Variants in ARHGEF4 observed in about 807,000 individuals in gnomAD.
ARHGEF4 encodes the protein Rho guanine nucleotide exchange factor 4, also known as APC-stimulated guanine nucleotide exchange factor 1.
ARHGEF4 carries 119 observed loss-of-function variants against 162.0 expected under a neutral mutation model. That is an observed-to-expected ratio of 0.73 (90% CI 0.63 to 0.86). ARHGEF4 has a LOEUF of 0.86. Among genes scored for constraint, ARHGEF4 ranks in the 40% least tolerant of loss-of-function variants. ARHGEF4 has a pLI of 0.00. For synonymous variants in ARHGEF4, 1,014 were observed against 979.9 expected (o/e 1.03, Z -0.65); for missense variants, 2,488 against 2,456.0 (o/e 1.01, Z -0.28).
Position 130,873,793 on chromosome 2 carries a change from A to G in ARHGEF4, c.39+36801A>G, listed in dbSNP as rs564134447. On this transcript the variant is annotated intron_variant, in intron 1 of 13. Transcript: ENST00000409359. The stretch of plus-strand genomic sequence containing the variant: ...GGAGGGGTGGGGTTTGGTGCAGGCC[A>G]TACTGTCTTGGATTTCCAGGTACCC... 4.6e-5 allele frequency among the ~76,000 whole-genome samples: 7 copies of G among 152,184 alleles called. No individual in the cohort carries two copies. The South Asian group carries it at 1.2e-3, about 27-fold the overall frequency.
At chr2:130,951,501 T>A (rs1683955790) in intron 4 of ARHGEF4, among the ~76,000 whole-genome samples, 1 of 152,196 alleles carries the variant, frequency 6.6e-6, no homozygotes. Flanking sequence ...GGTGGAGCAG[T>A]TGGAACACAC....
chr2:130,987,377 G>A (rs1255950623), intron 4 of ARHGEF4, among the ~76,000 whole-genome samples: 3 of 152,230 alleles, frequency 2.0e-5, no homozygotes, highest in Non-Finnish European at 4.4e-5. Flanking sequence ...GACTTTTGCG[G>A]TGAGTGTTAC....
In ARHGEF4 at chr2:131,001,159, C is replaced by A. The variant is rs116591665; in HGVS notation, c.3986-26786C>A. On this transcript the variant is annotated intron_variant, in intron 4 of 13. Transcript: ENST00000409359. ...TCTCTACAAAAATACAAACTTTAGC[C>A]GGGCGTGGCAGTGCATGCCTGTAAT... Among the ~76,000 whole-genome samples, 736 of 151,862 alleles carry A rather than the reference C, an allele frequency of 4.8e-3. 7 individuals are homozygous for A. Among genetic ancestry groups the A allele is most frequent in the African/African-American group, 0.017 (708 of 41,394 alleles).
chr2:130,884,327 A>G (rs563799221), intron 1 of ARHGEF4, among the ~76,000 whole-genome samples: 68 of 152,090 alleles, frequency 4.5e-4, no homozygotes, highest in Middle Eastern at 3.4e-3. Flanking sequence ...CACCCACACT[A>G]TAGTTTAATG....
At chr2:130,997,394 AG>A (rs1453622191) in intron 4 of ARHGEF4, among the ~76,000 whole-genome samples, 1 of 152,152 alleles carries the variant, frequency 6.6e-6, no homozygotes, top group Non-Finnish European at 1.5e-5. Flanking sequence ...GTAGATGATT[AG>A]GTCATTTCTA....
chr2:130,977,410 T>C (rs1048332144), intron 4 of ARHGEF4, among the ~76,000 whole-genome samples: 5 of 151,830 alleles, frequency 3.3e-5, no homozygotes, highest in Non-Finnish European at 7.4e-5. Context: ...GTTTTTTGTG[T>C]ATGGGGTGTG....
intron 4 of ARHGEF4, among the ~76,000 whole-genome samples, chr2:130,958,377 C>CT (rs370536891): frequency 9.3e-5 from 14 of 150,404 alleles, no homozygotes; most frequent in African/African-American, 2.7e-4. Flanking sequence ...ATGGATGTTT[C>CT]TTTTTTTTTG....
chr2:130,909,394 T>C (rs533033955), intron 1 of ARHGEF4, among the ~76,000 whole-genome samples: 1 of 152,246 alleles, frequency 6.6e-6, no homozygotes, highest in East Asian at 1.9e-4. Flanking sequence ...AAAATAATCA[T>C]GCTAAGTGGG....
At chr2:131,030,104 C>T (rs1441048742) in intron 5 of ARHGEF4, among the ~76,000 whole-genome samples, 1 of 152,242 alleles carries the variant, frequency 6.6e-6, no homozygotes, top group Non-Finnish European at 1.5e-5. Flanking sequence ...CAACCAAAGC[C>T]CTCAGGACTC....
chr2:130,955,940 C>A (rs563045962), intron 4 of ARHGEF4, among the ~76,000 whole-genome samples: 26 of 152,272 alleles, frequency 1.7e-4, no homozygotes, highest in Non-Finnish European at 3.1e-4. Context: ...CAAACTGAGC[C>A]CAGTTCCTTT....
At chr2:131,004,204 C>T (rs912405318) in intron 4 of ARHGEF4, among the ~76,000 whole-genome samples, 3 of 152,136 alleles carry the variant, frequency 2.0e-5, no homozygotes, top group African/African-American at 7.2e-5. Context: ...CTCACTCTGT[C>T]GCTCGGGCTG....
intron 1 of ARHGEF4, among the ~76,000 whole-genome samples, chr2:130,838,686 AGT>A (rs201123298): frequency 0.01 from 1,579 of 152,260 alleles, 31 homozygotes; most frequent in Admixed American, 0.053. Context: ...AAGAAACGTG[AGT>A]GTGTTTATGA....
intron 1 of ARHGEF4, among the ~76,000 whole-genome samples, chr2:130,839,731 G>A (rs192135794): frequency 7.9e-5 from 12 of 152,316 alleles, no homozygotes; most frequent in Non-Finnish European, 1.5e-4. Flanking sequence ...CCAGCATCGT[G>A]TGTGGGCCAA....
intron 1 of ARHGEF4, among the ~76,000 whole-genome samples, chr2:130,885,002 T>C (rs1374577657): frequency 1.3e-5 from 2 of 152,156 alleles, no homozygotes; most frequent in Non-Finnish European, 2.9e-5. Flanking sequence ...TATTTGAAAG[T>C]ACGTAGTTTG....
intron 2 of ARHGEF4, among the ~76,000 whole-genome samples, chr2:130,927,102 G>A (rs1203172847): frequency 6.6e-6 from 1 of 152,024 alleles, no homozygotes; most frequent in African/African-American, 2.4e-5. Flanking sequence ...TAGCCATTAG[G>A]TTGATGCCCT....
intron 2 of ARHGEF4, among the ~76,000 whole-genome samples, chr2:130,922,919 T>C (rs2105077591): frequency 1.4e-5 from 1 of 72,098 alleles, no homozygotes; most frequent in South Asian, 8.6e-4. Flanking sequence ...TTTCCCTCTT[T>C]AATGATATAT....
At chr2:130,994,163 C>T (rs542021838) in intron 4 of ARHGEF4, among the ~76,000 whole-genome samples, 201 of 152,258 alleles carry the variant, frequency 1.3e-3, no homozygotes, top group Non-Finnish European at 2.5e-3. Context: ...AAGATAATAA[C>T]CTTTGTCTTT....
chr2:131,039,381 T>G, intron 6 of ARHGEF4: 1 of 1,074,588 alleles, frequency 9.3e-7, no homozygotes, highest in Non-Finnish European at 1.1e-6. Flanking sequence ...GCCCCGGGAG[T>G]GGGAACCATG....
chr2:130,990,997 T>A (rs1366560143), intron 4 of ARHGEF4, among the ~76,000 whole-genome samples: 1 of 152,222 alleles, frequency 6.6e-6, no homozygotes, highest in Non-Finnish European at 1.5e-5. Context: ...TCCTATTTAG[T>A]GATACAGGGC....
Sources: gnomAD v4.1 joint callset for allele counts (sites outside exome capture counted in the v4.1 genomes callset) on GRCh38, gnomAD v4.1.1 for gene constraint, MANE v1.5 for transcripts, NCBI Gene and HGNC (gene_info 2026-07-23, HGNC 2026-07-21) for gene names.